The following PRKCA variants were observed in gnomAD, a reference collection of about 807,000 sequenced individuals.
PRKCA encodes the protein protein kinase C alpha type.
PRKCA carries 27 observed loss-of-function variants against 87.0 expected under a neutral mutation model. The observed-to-expected ratio is 0.31, with a 90% CI of 0.23 to 0.43. The LOEUF is 0.43. PRKCA is among the 20% of genes least tolerant of loss of function. The pLI, the probability that PRKCA is intolerant of heterozygous loss-of-function variation, is 1.00. For missense variants in PRKCA, 518 were observed against 852.3 expected (o/e 0.61, Z 4.88); for synonymous variants, 329 against 311.1 (o/e 1.06, Z -0.61).
At chr17:66,424,090 G>A (rs1031553285) in intron 2 of PRKCA, among the ~76,000 whole-genome samples, 3 of 152,152 alleles carry the variant, frequency 2.0e-5, no homozygotes, top group Admixed American at 2.0e-4. Flanking sequence ...CTTTCCCATT[G>A]TATTTCTTCG....
intron 2 of PRKCA, among the ~76,000 whole-genome samples, chr17:66,366,908 A>G (rs1238921994): frequency 6.6e-6 from 1 of 152,242 alleles, no homozygotes; most frequent in East Asian, 1.9e-4. Flanking sequence ...TTAAATCATC[A>G]TCTAAATTGT....
At chr17:66,339,850 G>C (rs1202596996) in intron 2 of PRKCA, 1 of 152,138 alleles carries the variant, frequency 6.6e-6, no homozygotes, top group Non-Finnish European at 1.5e-5. Context: ...CAAAATGTTT[G>C]CATGGAAATG....
chr17:66,555,935 G>A (rs980946379), intron 3 of PRKCA, among the ~76,000 whole-genome samples: 1 of 151,944 alleles, frequency 6.6e-6, no homozygotes. Flanking sequence ...TGTTCCTGTC[G>A]TTAAATATAG....
intron 3 of PRKCA, among the ~76,000 whole-genome samples, chr17:66,632,677 G>C (rs1420569620): frequency 6.6e-6 from 1 of 152,040 alleles, no homozygotes; most frequent in African/African-American, 2.4e-5. Flanking sequence ...TTTATGTCTT[G>C]TGTTGTGGCT....
intron 13 of PRKCA, among the ~76,000 whole-genome samples, chr17:66,772,065 C>A (rs2144331245): frequency 6.6e-6 from 1 of 152,188 alleles, no homozygotes; most frequent in South Asian, 2.1e-4. Context: ...TCAGTCCAGT[C>A]CTTTTGGGAG....
chr17:66,349,817 T>C (rs1035260710), intron 2 of PRKCA, among the ~76,000 whole-genome samples: 1 of 152,158 alleles, frequency 6.6e-6, no homozygotes, highest in African/African-American at 2.4e-5. Context: ...CTGCCTCCAG[T>C]GTCTCTTATT....
In PRKCA at chr17:66,713,176, C is replaced by T. The variant is rs1331416361; in HGVS notation, c.919-19512C>T. ...AAGCAATTCTCCTGCCTCAGTCTAC[C>T]GAGTAGCTGGGACTACAGGCACGCG... On this transcript the variant is annotated intron_variant, in intron 8 of 16. Transcript: ENST00000413366. 4.0e-5 allele frequency among the ~76,000 whole-genome samples: 6 copies of T among 150,620 alleles called. No individual in the cohort carries two copies. In the Admixed American group the frequency reaches 4.0e-4, roughly 10 times the overall value.
chr17:66,551,852 C>T (rs967874865), intron 3 of PRKCA, among the ~76,000 whole-genome samples: 1 of 152,066 alleles, frequency 6.6e-6, no homozygotes, highest in African/African-American at 2.4e-5. Flanking sequence ...TCACATATTA[C>T]AAAATGCATA....
chr17:66,406,875 T>C (rs1220598574), intron 2 of PRKCA, among the ~76,000 whole-genome samples: 2 of 152,062 alleles, frequency 1.3e-5, no homozygotes, highest in African/African-American at 4.8e-5. Context: ...AGAGCTCCTG[T>C]CTGCTTCTAA....
At position 66,712,946 on chromosome 17, in the gene PRKCA, C is replaced by A. The variant is rs1973369105; in HGVS notation, c.919-19742C>A. On this transcript the variant is annotated intron_variant, in intron 8 of 16. Coordinates refer to ENST00000413366, the MANE Select transcript of PRKCA (RefSeq NM_002737.3). ...ACTCAGCCTTTTCTCTGCCTTCCAT[C>A]CCCAGGAATTATGAATTACAGAGTT... 3.3e-5 allele frequency among the ~76,000 whole-genome samples: 5 copies of A among 152,144 alleles called. No individual in the cohort carries two copies. The South Asian group carries it at 1.0e-3, about 32-fold the overall frequency.
chr17:66,625,301 C>A (rs1970821169), intron 3 of PRKCA, among the ~76,000 whole-genome samples: 1 of 152,172 alleles, frequency 6.6e-6, no homozygotes, highest in African/African-American at 2.4e-5. Context: ...GATTTAACAT[C>A]TTTGGAGTAG....
At chr17:66,538,501 C>A (rs1234364040) in intron 3 of PRKCA, among the ~76,000 whole-genome samples, 2 of 152,130 alleles carry the variant, frequency 1.3e-5, no homozygotes, top group East Asian at 3.9e-4. Flanking sequence ...AACCCTAGGC[C>A]AGCAAACTTC....
At chr17:66,530,321 G>A (rs1296515284) in intron 3 of PRKCA, among the ~76,000 whole-genome samples, 2 of 152,164 alleles carry the variant, frequency 1.3e-5, no homozygotes, top group African/African-American at 4.8e-5. Flanking sequence ...ATTAATATAT[G>A]CATACATGGA....
chr17:66,768,259 T>G (rs1448915259), intron 13 of PRKCA, among the ~76,000 whole-genome samples: 30 of 136,796 alleles, frequency 2.2e-4, no homozygotes, highest in African/African-American at 7.2e-4. Flanking sequence ...TTTTTTTTTT[T>G]TTGGGGGGGA....
Position 66,804,126 on chromosome 17 carries a change from G to T in PRKCA, c.*89G>T. The stretch of plus-strand genomic sequence containing the variant: ...CTTAACCCTAAAATTTTAAGGCCAC[G>T]GCCTTGTGTCTGATTCCATATGGAG... On this transcript the variant is annotated 3_prime_UTR_variant, in exon 17 of 17. Transcript: ENST00000413366. 1.3e-6 allele frequency: 2 copies of T among 1,504,206 alleles called. No homozygotes were observed. Among genetic ancestry groups the T allele is most frequent in the Non-Finnish European group, 1.8e-6 (2 of 1,124,108 alleles). The allele number at this position is 1,504,206 out of a possible 1,614,324, so 93.2% of individuals were successfully genotyped here. A position where few individuals can be genotyped will look rare whatever the true frequency, so the allele number is the denominator to read the frequency against.
intron 2 of PRKCA, among the ~76,000 whole-genome samples, chr17:66,407,406 C>T (rs1482330030): frequency 2.6e-5 from 4 of 152,092 alleles, no homozygotes; most frequent in African/African-American, 4.8e-5. Context: ...AAGCTTGCTC[C>T]GGCTTTGCTT....
At chr17:66,781,927 T>A (rs1414679249) in intron 14 of PRKCA, among the ~76,000 whole-genome samples, 1 of 150,908 alleles carries the variant, frequency 6.6e-6, no homozygotes, top group Non-Finnish European at 1.5e-5. Context: ...TGAGTGAGTG[T>A]GAGTGTGACA....
At chr17:66,731,349 C>CAAAAAAA (rs1568001071) in intron 8 of PRKCA, among the ~76,000 whole-genome samples, 2 of 64,622 alleles carry the variant, frequency 3.1e-5, no homozygotes, top group African/African-American at 1.3e-4. Context: ...AACTCCGTCT[C>CAAAAAAA]AGAAAAAAAA....
intron 8 of PRKCA, among the ~76,000 whole-genome samples, chr17:66,721,317 T>A (rs183506007): frequency 6.7e-6 from 1 of 149,966 alleles, no homozygotes; most frequent in Non-Finnish European, 1.5e-5. Flanking sequence ...GAATGGCGTG[T>A]ATCCGGAGGT....
Sources: gnomAD v4.1 joint callset for allele counts (sites outside exome capture counted in the v4.1 genomes callset) on GRCh38, gnomAD v4.1.1 for gene constraint, MANE v1.5 for transcripts, NCBI Gene and HGNC (gene_info 2026-07-23, HGNC 2026-07-21) for gene names.